The following TPO variants were observed in gnomAD, a reference collection of about 807,000 sequenced individuals.
TPO encodes thyroid microsomal antigen.
In TPO, 78 loss-of-function variants were observed where a neutral mutation model predicts 96.9. The observed-to-expected ratio is 0.81, with a 90% CI of 0.67 to 0.97. The LOEUF (loss-of-function observed/expected upper bound fraction) is 0.97, where lower values mean the gene tolerates loss of function less well. TPO is among the 50% of genes least tolerant of loss of function. TPO has a pLI of 0.00. For missense variants in TPO, 1,252 were observed against 1,274.8 expected (o/e 0.98, Z 0.27); for synonymous variants, 547 against 538.0 (o/e 1.02, Z -0.23).
chr2:1,397,558 G>A (rs1373116426), intron 1 of TPO, among the ~76,000 whole-genome samples: 1 of 152,214 alleles, frequency 6.6e-6, no homozygotes, highest in East Asian at 1.9e-4. Flanking sequence ...GACATAGCCA[G>A]CTCTCGGCCC....
Position 1,499,208 on chromosome 2 carries a change from G to A in TPO, c.2386+2443G>A, listed in dbSNP as rs115636290. 1.8e-3 allele frequency among the ~76,000 whole-genome samples: 275 copies of A among 152,176 alleles called. 1 individual carries two copies. Among genetic ancestry groups the A allele is most frequent in the Middle Eastern group, 0.014 (4 of 294 alleles). Reference sequence around the variant, plus strand: ...GCCTGTGTGGAGCTGCCCCCTGTGCGCGTGCCCTCTGACCTTCCGCCTGCC... The same window carrying A: ...GCCTGTGTGGAGCTGCCCCCTGTGCACGTGCCCTCTGACCTTCCGCCTGCC... On this transcript the variant is annotated intron_variant, in intron 13 of 16. Transcript: ENST00000329066.
chr2:1,538,700 A>T (rs1680364252), intron 15 of TPO, among the ~76,000 whole-genome samples: 2 of 152,156 alleles, frequency 1.3e-5, no homozygotes, highest in Non-Finnish European at 2.9e-5. Context: ...GGTAAGGCAG[A>T]GTGGTGATGG....
At chr2:1,430,945 T>C (rs914872864) in intron 3 of TPO, among the ~76,000 whole-genome samples, 1 of 152,182 alleles carries the variant, frequency 6.6e-6, no homozygotes, top group Non-Finnish European at 1.5e-5. Context: ...AGATGAGACT[T>C]TGGACTTGGG....
intron 5 of TPO, 97 bp downstream of exon 5, chr2:1,436,481 T>A: frequency 3.2e-6 from 5 of 1,548,834 alleles, no homozygotes; most frequent in East Asian, 2.3e-5. Flanking sequence ...CTGGTGGATC[T>A]GTATCCACCC....
chr2:1,531,051 T>G, intron 15 of TPO, among the ~76,000 whole-genome samples: 1 of 15,132 alleles, frequency 6.6e-5, no homozygotes, highest in Admixed American at 9.7e-4. Context: ...CCCCCCCAAA[T>G]ACCCCCACTA....
rs149437986 is a variant in TPO at position 1,376,387 on chromosome 2, G to A, written n.180+1985G>A. 2.6e-5 allele frequency among the ~76,000 whole-genome samples: 4 copies of A among 152,276 alleles called. No individual in the cohort carries two copies. In the East Asian group the frequency reaches 5.8e-4, roughly 22 times the overall value. On this transcript the variant is annotated intron_variant and non_coding_transcript_variant, in intron 1 of 5. Coordinates refer to the TPO transcript ENST00000497517. ...AAAGTTTCTTTGATTTGTTAAATAC[G>A]TTATGAAGAAACTATTTTGTAGTAT... is the stretch of plus-strand genomic sequence containing the variant.
intron 14 of TPO, among the ~76,000 whole-genome samples, chr2:1,505,308 T>A (rs1673299795): frequency 1.4e-5 from 2 of 140,920 alleles, no homozygotes; most frequent in African/African-American, 5.5e-5. Context: ...ATCAGGCACA[T>A]CCCACTCTCC....
chr2:1,504,993 C>T (rs530754807), intron 14 of TPO, among the ~76,000 whole-genome samples: 6 of 152,258 alleles, frequency 3.9e-5, no homozygotes, highest in East Asian at 3.9e-4. Context: ...CAGTGCAAAA[C>T]GCTTCATGAC....
intron 1 of TPO, among the ~76,000 whole-genome samples, chr2:1,398,447 CT>C (rs1291168861): frequency 6.6e-6 from 1 of 152,246 alleles, no homozygotes; most frequent in Non-Finnish European, 1.5e-5. Flanking sequence ...GCAAACAAGG[CT>C]GGCCACCACC....
At chr2:1,381,451 C>T (rs1226782056) in intron 1 of TPO, among the ~76,000 whole-genome samples, 1 of 152,138 alleles carries the variant, frequency 6.6e-6, no homozygotes, top group Non-Finnish European at 1.5e-5. Context: ...ATTCACCATC[C>T]TGAGAACAGC....
intron 15 of TPO, among the ~76,000 whole-genome samples, chr2:1,522,932 C>T (rs1675499192): frequency 6.7e-6 from 1 of 149,660 alleles, no homozygotes; most frequent in Non-Finnish European, 1.5e-5. Context: ...AAATCCCCTC[C>T]ACTCTGTGTA....
chr2:1,452,462 G>T (rs896091296), intron 5 of TPO, among the ~76,000 whole-genome samples: 1 of 152,130 alleles, frequency 6.6e-6, no homozygotes, highest in Non-Finnish European at 1.5e-5. Context: ...TTCCACTTTG[G>T]TTAGGAATTA....
chr2:1,508,913 C>G (rs1337380028), intron 14 of TPO, among the ~76,000 whole-genome samples: 1 of 152,150 alleles, frequency 6.6e-6, no homozygotes, highest in Non-Finnish European at 1.5e-5. Context: ...TTCGTTATTT[C>G]TTGCCTTCTG....
chr2:1,518,406 G>A (rs1002643234), intron 15 of TPO, among the ~76,000 whole-genome samples: 3 of 152,156 alleles, frequency 2.0e-5, no homozygotes, highest in Non-Finnish European at 4.4e-5. Flanking sequence ...CACAGTTAAT[G>A]GACTCTTTTC....
chr2:1,389,420 A>G (rs574506873), intron 1 of TPO, among the ~76,000 whole-genome samples: 2 of 152,164 alleles, frequency 1.3e-5, no homozygotes, highest in African/African-American at 4.8e-5. Context: ...CTACTTCCCA[A>G]CTGTAATTGG....
intron 15 of TPO, 34 bp from the exon 16 acceptor site, chr2:1,540,560 C>T: frequency 6.2e-7 from 1 of 1,610,876 alleles, no homozygotes; most frequent in Non-Finnish European, 8.5e-7. Flanking sequence ...GGTGCCGGAC[C>T]CTCTCCCGAT....
intron 1 of TPO, among the ~76,000 whole-genome samples, chr2:1,384,719 A>T (rs1661860764): frequency 1.3e-5 from 2 of 152,038 alleles, no homozygotes; most frequent in African/African-American, 4.8e-5. Context: ...CTCCTGCCTG[A>T]TTTCCCTGGC....
chr2:1,401,879 G>C (rs1662177851), intron 1 of TPO, among the ~76,000 whole-genome samples: 1 of 152,178 alleles, frequency 6.6e-6, no homozygotes, highest in Non-Finnish European at 1.5e-5. Context: ...TGGAACTGTG[G>C]GTCCAAGGGT....
At chr2:1,488,812 C>T (rs1027413738) in intron 10 of TPO, among the ~76,000 whole-genome samples, 1 of 152,206 alleles carries the variant, frequency 6.6e-6, no homozygotes, top group Non-Finnish European at 1.5e-5. Context: ...GCCCTTCCCC[C>T]ATCCCTGTCT....
Sources: gnomAD v4.1 joint callset for allele counts (sites outside exome capture counted in the v4.1 genomes callset) on GRCh38, gnomAD v4.1.1 for gene constraint, MANE v1.5 for transcripts, NCBI Gene and HGNC (gene_info 2026-07-23, HGNC 2026-07-21) for gene names.